ASH1L: variants seen among roughly 807,000 people sequenced by gnomAD.
ASH1L encodes the protein histone-lysine N-methyltransferase ASH1L.
ASH1L carries 23 observed loss-of-function variants against 269.0 expected under a neutral mutation model. That is an observed-to-expected ratio of 0.09 (90% CI 0.06 to 0.12). The LOEUF (loss-of-function observed/expected upper bound fraction) is 0.12. Ranked by LOEUF, ASH1L falls within the 10% of genes least tolerant of loss-of-function variation. The pLI is 1.00. For synonymous variants in ASH1L, 1,187 were observed against 1,253.5 expected (o/e 0.95, Z 1.12); for missense variants, 2,912 against 3,567.8 (o/e 0.82, Z 4.68).
intron 3 of ASH1L, among the ~76,000 whole-genome samples, chr1:155,474,754 T>C (rs1665403038): frequency 6.6e-6 from 1 of 152,080 alleles, no homozygotes; most frequent in Admixed American, 6.5e-5. Context: ...CCTCCTATAG[T>C]CTTCTCTCTC....
At chr1:155,462,557 G>A (rs966614648) in intron 3 of ASH1L, among the ~76,000 whole-genome samples, 1 of 152,172 alleles carries the variant, frequency 6.6e-6, no homozygotes, top group African/African-American at 2.4e-5. Flanking sequence ...CAGATCCATG[G>A]AGATCATTAT....
intron 6 of ASH1L, among the ~76,000 whole-genome samples, chr1:155,403,664 T>C (rs1659038021): frequency 6.6e-6 from 1 of 152,116 alleles, no homozygotes; most frequent in Non-Finnish European, 1.5e-5. Context: ...CTAATATACC[T>C]GAAAAAATTC....
chr1:155,371,626 C>T (rs1373118456), intron 10 of ASH1L, among the ~76,000 whole-genome samples: 2 of 151,322 alleles, frequency 1.3e-5, no homozygotes, highest in Admixed American at 6.6e-5. Context: ...TTTCACTGTA[C>T]TCTTATTTTG....
chr1:155,482,496 C>A, intron 2 of ASH1L, 47 bp from the exon 3 acceptor site: 1 of 1,545,534 alleles, frequency 6.5e-7, no homozygotes. Flanking sequence ...AAACCTTACA[C>A]CACTTTAGCT....
chr1:155,514,411 G>C (rs1163154957), intron 2 of ASH1L, among the ~76,000 whole-genome samples: 2 of 152,074 alleles, frequency 1.3e-5, no homozygotes, highest in African/African-American at 2.4e-5. Flanking sequence ...TGGTGTAAAA[G>C]TAACTACAGT....
chr1:155,508,650 A>G (rs1667973708), intron 2 of ASH1L, among the ~76,000 whole-genome samples: 1 of 152,214 alleles, frequency 6.6e-6, no homozygotes, highest in Non-Finnish European at 1.5e-5. Context: ...CAAAAGTAAA[A>G]ATAAAATAAT....
intron 5 of ASH1L, chr1:155,433,780 G>C: frequency 6.2e-7 from 1 of 1,605,590 alleles, no homozygotes; most frequent in African/African-American, 1.3e-5. Flanking sequence ...TGTGTAAGCT[G>C]CGGCCCTTGC....
chr1:155,549,038 G>A (rs1671017246), intron 1 of ASH1L, among the ~76,000 whole-genome samples: 1 of 152,076 alleles, frequency 6.6e-6, no homozygotes, highest in Non-Finnish European at 1.5e-5. Context: ...TACTTTTTAT[G>A]TCATTATTCT....
At chr1:155,443,752 T>C (rs1271350503) in intron 4 of ASH1L, among the ~76,000 whole-genome samples, 2 of 152,230 alleles carry the variant, frequency 1.3e-5, no homozygotes, top group Non-Finnish European at 2.9e-5. Flanking sequence ...TCATTCACAT[T>C]GCCACATTTC....
At chr1:155,528,405 G>A (rs1669421132) in intron 1 of ASH1L, among the ~76,000 whole-genome samples, 1 of 151,586 alleles carries the variant, frequency 6.6e-6, no homozygotes, top group Admixed American at 6.6e-5. Context: ...TCCAAGTGAT[G>A]ATAAATATGT....
intron 5 of ASH1L, among the ~76,000 whole-genome samples, chr1:155,420,534 G>A (rs1660588022): frequency 6.6e-6 from 1 of 150,874 alleles, no homozygotes; most frequent in Non-Finnish European, 1.5e-5. Context: ...CAGTACATAA[G>A]AGTATAAACA....
rs371059507 is a variant in ASH1L, at chr1:155,562,293, T to G, written c.-240A>C. 37 of 1,599,696 alleles carry G rather than the reference T, an allele frequency of 2.3e-5. No homozygotes were observed. Among genetic ancestry groups the G allele is most frequent in the Non-Finnish European group, 3.0e-5 (35 of 1,167,698 alleles). The stretch of plus-strand genomic sequence containing the variant: ...GTCAGGAGGCGGCCAGCGGGTAAGC[T>G]GACTGGCGGAAATGCGAGAGAGGAG... On this transcript the variant is annotated 5_prime_UTR_variant, in exon 1 of 28. Coordinates refer to ENST00000392403, the MANE Select transcript of ASH1L (RefSeq NM_018489.3).
At chr1:155,460,523 G>A (rs1220390376) in intron 3 of ASH1L, among the ~76,000 whole-genome samples, 4 of 152,078 alleles carry the variant, frequency 2.6e-5, no homozygotes, top group Non-Finnish European at 5.9e-5. Flanking sequence ...CAGGAGAATC[G>A]CTTGAACCTG....
chr1:155,490,614 T>TCACTCACA (rs1553267801), intron 2 of ASH1L, among the ~76,000 whole-genome samples: 6 of 142,400 alleles, frequency 4.2e-5, no homozygotes, highest in African/African-American at 1.6e-4. Flanking sequence ...CCAGACTACG[T>TCACTCACA]CACACACACA....
intron 1 of ASH1L, among the ~76,000 whole-genome samples, chr1:155,560,620 T>C (rs534299012): frequency 1.3e-5 from 2 of 152,260 alleles, no homozygotes; most frequent in East Asian, 3.9e-4. Context: ...AGAGACACCT[T>C]GATTATCCTC....
chr1:155,380,510 C>T (rs1656841479), intron 7 of ASH1L, among the ~76,000 whole-genome samples: 2 of 152,062 alleles, frequency 1.3e-5, no homozygotes, highest in Admixed American at 6.6e-5. Flanking sequence ...TTAAATAACT[C>T]GAGAAGTTTT....
chr1:155,448,045 G>C (rs1239575656), intron 4 of ASH1L, among the ~76,000 whole-genome samples: 1 of 152,186 alleles, frequency 6.6e-6, no homozygotes, highest in East Asian at 1.9e-4. Context: ...TGTATGTGCT[G>C]AGAGACAGGG....
intron 6 of ASH1L, among the ~76,000 whole-genome samples, chr1:155,405,014 G>A (rs1483008530): frequency 6.6e-6 from 1 of 150,910 alleles, no homozygotes; most frequent in Non-Finnish European, 1.5e-5. Context: ...GTGACAGAGT[G>A]AGACTCCATC....
At chr1:155,461,852 G>A (rs1664326890) in intron 3 of ASH1L, among the ~76,000 whole-genome samples, 1 of 149,272 alleles carries the variant, frequency 6.7e-6, no homozygotes, top group Admixed American at 6.7e-5. Context: ...AGGCTGGAGA[G>A]CAGTGGTGCA....
Sources: gnomAD v4.1 joint callset for allele counts (sites outside exome capture counted in the v4.1 genomes callset) on GRCh38, gnomAD v4.1.1 for gene constraint, MANE v1.5 for transcripts, NCBI Gene and HGNC (gene_info 2026-07-23, HGNC 2026-07-21) for gene names.